The following ATF7 variants were observed in gnomAD, a reference collection of about 807,000 sequenced individuals.
ATF7 encodes the protein activating transcription factor 7.
In ATF7, 10 loss-of-function variants were observed where a neutral mutation model predicts 50.4. The observed-to-expected ratio is 0.20, with a 90% CI of 0.12 to 0.34. The LOEUF (loss-of-function observed/expected upper bound fraction) is 0.34. ATF7 is among the 10% of genes least tolerant of loss of function. The pLI is 1.00. For missense variants in ATF7, 465 were observed against 613.9 expected (o/e 0.76, Z 2.56); for synonymous variants, 201 against 226.4 (o/e 0.89, Z 1.01).
At chr12:53,562,569 G>T (rs1453493322) in intron 2 of ATF7, among the ~76,000 whole-genome samples, 1 of 151,932 alleles carries the variant, frequency 6.6e-6, no homozygotes, top group Admixed American at 6.6e-5. Context: ...CTTGAACCCA[G>T]AAGGCCGGTG....
intron 3 of ATF7, among the ~76,000 whole-genome samples, chr12:53,548,067 G>A (rs989606154): frequency 1.1e-4 from 16 of 151,332 alleles, no homozygotes; most frequent in African/African-American, 3.6e-4. Context: ...GGCCTTCATT[G>A]TGTTGCCCAG....
At chr12:53,552,499 C>A in intron 3 of ATF7, 42 bp downstream of exon 3, 2 of 1,481,822 alleles carry the variant, frequency 1.3e-6, no homozygotes, top group South Asian at 2.3e-5. Flanking sequence ...ATCTTAACTG[C>A]CTGGTGGTAT....
chr12:53,528,370 G>A (rs1334121056), intron 9 of ATF7, among the ~76,000 whole-genome samples: 1 of 152,086 alleles, frequency 6.6e-6, no homozygotes, highest in East Asian at 1.9e-4. Flanking sequence ...GTTCATGCCT[G>A]TAATCCCAGC....
At chr12:53,549,486 C>T (rs1483138729) in intron 3 of ATF7, among the ~76,000 whole-genome samples, 3 of 152,116 alleles carry the variant, frequency 2.0e-5, no homozygotes, top group African/African-American at 7.2e-5. Flanking sequence ...TCACCACAAC[C>T]TCCGCCTCCT....
chr12:53,574,897 T>TGA, intron 2 of ATF7: 1 of 328,960 alleles, frequency 3.0e-6, no homozygotes, highest in Non-Finnish European at 5.9e-6. Flanking sequence ...GTGCAGAGGG[T>TGA]GAGCAAGACT....
chr12:53,529,313 C>A lies in ATF7; in HGVS notation c.927+2431G>T, dbSNP rs146667581. Among the ~76,000 whole-genome samples, 1,026 of 152,272 alleles carry A rather than the reference C, an allele frequency of 6.7e-3. 5 individuals are homozygous for A. Among genetic ancestry groups the A allele is most frequent in the African/African-American group, 0.024 (983 of 41,552 alleles). ...CTCCCGGGTTCAAGCGATTCTCATG[C>A]CTCGGCCTCCTGAGTAGCTGGGATT... On this transcript the variant is annotated intron_variant, in intron 9 of 11. Coordinates refer to ENST00000420353, the MANE Select transcript of ATF7 (RefSeq NM_006856.3).
intron 2 of ATF7, among the ~76,000 whole-genome samples, chr12:53,561,591 G>A (rs1048600433): frequency 6.6e-6 from 1 of 152,090 alleles, no homozygotes; most frequent in Non-Finnish European, 1.5e-5. Context: ...GGGAAAGCAG[G>A]GAAAGGGAGA....
At chr12:53,509,476 AAGAG>A (rs1944088282), downstream of ATF7, among the ~76,000 whole-genome samples, 1 of 150,856 alleles carries the variant, frequency 6.6e-6, no homozygotes, top group African/African-American at 2.4e-5. Flanking sequence ...CATATTTTTG[AAGAG>A]AGAGTTCATT....
At chr12:53,573,531 T>A (rs1489494743) in intron 2 of ATF7, among the ~76,000 whole-genome samples, 1 of 152,182 alleles carries the variant, frequency 6.6e-6, no homozygotes, top group African/African-American at 2.4e-5. Context: ...GCGGAATTTT[T>A]TTTTTCTGAG....
At chr12:53,532,457 T>C in intron 8 of ATF7, 53 bp downstream of exon 8, 2 of 1,401,060 alleles carry the variant, frequency 1.4e-6, no homozygotes, top group Non-Finnish European at 2.0e-6. Flanking sequence ...TAGGCTGGTA[T>C]CACCCACTTC....
intron 2 of ATF7, among the ~76,000 whole-genome samples, chr12:53,563,363 C>T (rs1486295318): frequency 6.6e-6 from 1 of 152,110 alleles, no homozygotes; most frequent in Admixed American, 6.5e-5. Context: ...CACCTGTAAT[C>T]CCAGCACTCT....
intron 2 of ATF7, among the ~76,000 whole-genome samples, chr12:53,579,880 T>C (rs1252143226): frequency 6.6e-6 from 1 of 152,182 alleles, no homozygotes; most frequent in Admixed American, 6.5e-5. Flanking sequence ...TGTTTACACT[T>C]GACTAGCCTT....
At chr12:53,517,390 G>A in intron 11 of ATF7, 36 bp from the exon 12 acceptor site, 3 of 1,577,878 alleles carry the variant, frequency 1.9e-6, no homozygotes, top group Non-Finnish European at 2.6e-6. Context: ...GAGAGCAATT[G>A]GTTAGAAAAC....
intron 1 of ATF7, among the ~76,000 whole-genome samples, chr12:53,611,452 AAAAC>A (rs76059775): frequency 1.2e-4 from 18 of 151,644 alleles, no homozygotes; most frequent in Admixed American, 5.3e-4. Context: ...ACTCTATCGC[AAAAC>A]AAACAAACAA....
intron 2 of ATF7, among the ~76,000 whole-genome samples, chr12:53,585,091 G>A (rs931845889): frequency 6.6e-6 from 1 of 152,068 alleles, no homozygotes; most frequent in African/African-American, 2.4e-5. Context: ...TCCCACCTCA[G>A]CCTCCTGAAT....
intron 6 of ATF7, among the ~76,000 whole-genome samples, chr12:53,534,006 G>A (rs1225591279): frequency 1.3e-5 from 2 of 152,188 alleles, no homozygotes; most frequent in Admixed American, 6.6e-5. Flanking sequence ...GGCTGGGCAC[G>A]GTGGCTCACG....
intron 9 of ATF7, among the ~76,000 whole-genome samples, chr12:53,531,087 T>G (rs189025389): frequency 3.9e-5 from 6 of 152,210 alleles, no homozygotes. Flanking sequence ...CTGTCATATT[T>G]TAGAGGATTC....
chr12:53,546,640 G>T (rs897723744), intron 3 of ATF7, among the ~76,000 whole-genome samples: 1 of 151,828 alleles, frequency 6.6e-6, no homozygotes, highest in Admixed American at 6.6e-5. Flanking sequence ...AGTAGAGACA[G>T]GGTTTCACAA....
intron 1 of ATF7, among the ~76,000 whole-genome samples, chr12:53,605,059 GATT>G (rs1401573097): frequency 6.6e-6 from 1 of 152,074 alleles, no homozygotes; most frequent in Non-Finnish European, 1.5e-5. Context: ...AGCAACTCCA[GATT>G]ATAAAAAAGA....
Sources: gnomAD v4.1 joint callset for allele counts (sites outside exome capture counted in the v4.1 genomes callset) on GRCh38, gnomAD v4.1.1 for gene constraint, MANE v1.5 for transcripts, NCBI Gene and HGNC (gene_info 2026-07-23, HGNC 2026-07-21) for gene names.